The following CRTC3 variants were observed in gnomAD, a reference collection of about 807,000 sequenced individuals.
CRTC3 encodes the protein CREB-regulated transcription coactivator 3.
In CRTC3, 26 loss-of-function variants were observed where a neutral mutation model predicts 74.5. That is an observed-to-expected ratio of 0.35 (90% CI 0.26 to 0.48). The LOEUF is 0.48. Among genes scored for constraint, CRTC3 ranks in the 20% least tolerant of loss-of-function variants. The pLI, the probability that CRTC3 is intolerant of heterozygous loss-of-function variation, is 0.99. For synonymous variants in CRTC3, 377 were observed against 325.8 expected, an observed-to-expected ratio of 1.16 and a Z score of -1.69; for missense variants, 760 against 787.3, an observed-to-expected ratio of 0.97 and a Z score of 0.41.
At chr15:90,579,899 C>A (rs1023993477) in intron 2 of CRTC3, among the ~76,000 whole-genome samples, 2 of 152,106 alleles carry the variant, frequency 1.3e-5, no homozygotes, top group Non-Finnish European at 2.9e-5. Context: ...GCCTCGGCCT[C>A]CCAAAGTGCT....
chr15:90,564,991 G>A (rs1478934368), intron 2 of CRTC3, among the ~76,000 whole-genome samples: 1 of 151,674 alleles, frequency 6.6e-6, no homozygotes, highest in Non-Finnish European at 1.5e-5. Flanking sequence ...TGCCCAGGCT[G>A]GAGTGCAATG....
At position 90,546,379 on chromosome 15, in the gene CRTC3, T is replaced by C. The variant is rs534526446; in HGVS notation, c.231+6242T>C. ...ATGTGGGTCTATTTCCGGACTCTTC[T>C]GTGTCATTGGTTTCTTTGTCTATCA... On this transcript the variant is annotated intron_variant, in intron 2 of 14. Transcript: ENST00000268184. Among the ~76,000 whole-genome samples the C allele has an allele frequency of 3.3e-5, 5 of 152,312 alleles. No homozygotes were observed. The South Asian group carries it at 1.0e-3, about 32-fold the overall frequency.
chr15:90,552,746 C>G (rs1490795519), intron 2 of CRTC3, among the ~76,000 whole-genome samples: 1 of 152,114 alleles, frequency 6.6e-6, no homozygotes, highest in Non-Finnish European at 1.5e-5. Context: ...AGGCATGAGG[C>G]CTTGACCAAG....
intron 11 of CRTC3, among the ~76,000 whole-genome samples, chr15:90,636,734 G>A (rs1006478927): frequency 1.3e-5 from 2 of 152,172 alleles, no homozygotes; most frequent in Admixed American, 6.5e-5. Context: ...CCATCAAAAA[G>A]TGGGCGAAGG....
chr15:90,592,652 A>G (rs1346002331), intron 2 of CRTC3, among the ~76,000 whole-genome samples: 1 of 152,164 alleles, frequency 6.6e-6, no homozygotes, highest in Non-Finnish European at 1.5e-5. Flanking sequence ...GGGACTGATG[A>G]TTTGTATGTT....
At position 90,607,408 on chromosome 15, in the gene CRTC3, T is replaced by C; in HGVS notation, c.507T>C (p.Ser169=). The C allele has an allele frequency of 6.2e-7, 1 of 1,613,228 alleles. No homozygotes were observed. Among genetic ancestry groups the C allele is most frequent in the Non-Finnish European group, 8.5e-7 (1 of 1,179,562 alleles). The change falls in exon 6 of 15, where the codon AGT becomes AGC. Residue 169 remains serine (S), a synonymous_variant. Transcript: ENST00000268184. ...RTNSDSALHT[S]ALSTKPQDPY... ...ATTCTGATTCTGCTCTTCACACGAG[T>C]GCTCTGAGTACCAAGCCCCAGGACC...
chr15:90,549,629 C>T (rs1966850790), intron 2 of CRTC3, among the ~76,000 whole-genome samples: 1 of 151,906 alleles, frequency 6.6e-6, no homozygotes, highest in African/African-American at 2.4e-5. Context: ...CTGAGGAATG[C>T]CTTGGATCCC....
At chr15:90,552,553 C>G (rs1160401778) in intron 2 of CRTC3, among the ~76,000 whole-genome samples, 8 of 20,020 alleles carry the variant, frequency 4.0e-4, no homozygotes, top group Non-Finnish European at 2.1e-3. Context: ...TTTCGTACTC[C>G]CTAGGATGAG....
chr15:90,550,649 C>T (rs1040441459), intron 2 of CRTC3, among the ~76,000 whole-genome samples: 13 of 152,028 alleles, frequency 8.6e-5, no homozygotes, highest in African/African-American at 3.1e-4. Flanking sequence ...GCAGATAATC[C>T]AGTTCTGTGT....
At chr15:90,532,499 G>T (rs539024315) in intron 1 of CRTC3, among the ~76,000 whole-genome samples, 32 of 152,252 alleles carry the variant, frequency 2.1e-4, no homozygotes, top group Admixed American at 6.5e-4. Context: ...TGACAGACAT[G>T]CTAATCGATA....
intron 2 of CRTC3, among the ~76,000 whole-genome samples, chr15:90,572,323 T>C (rs916822670): frequency 1.3e-5 from 2 of 152,200 alleles, no homozygotes; most frequent in African/African-American, 4.8e-5. Context: ...AATTAGATTA[T>C]GTCTAGTTTT....
At chr15:90,615,328 C>G (rs767012304) in intron 7 of CRTC3, among the ~76,000 whole-genome samples, 3 of 152,102 alleles carry the variant, frequency 2.0e-5, no homozygotes, top group Non-Finnish European at 4.4e-5. Context: ...TTACTCAGTA[C>G]CAGGGACTGT....
chr15:90,585,249 A>G (rs1329396864), intron 2 of CRTC3, among the ~76,000 whole-genome samples: 1 of 152,102 alleles, frequency 6.6e-6, no homozygotes, highest in Non-Finnish European at 1.5e-5. Context: ...TGCTCAAGGG[A>G]TCTTCCCACC....
At chr15:90,580,076 T>C (rs960720683) in intron 2 of CRTC3, among the ~76,000 whole-genome samples, 1 of 152,244 alleles carries the variant, frequency 6.6e-6, no homozygotes, top group African/African-American at 2.4e-5. Flanking sequence ...CATTCACTAA[T>C]AAATATTTCT....
intron 2 of CRTC3, among the ~76,000 whole-genome samples, chr15:90,592,022 T>C (rs974394758): frequency 3.3e-5 from 5 of 152,220 alleles, no homozygotes; most frequent in African/African-American, 1.2e-4. Context: ...ATTTGGATTA[T>C]AAAAATAGAT....
intron 1 of CRTC3, among the ~76,000 whole-genome samples, chr15:90,533,972 A>T (rs948173867): frequency 6.6e-6 from 1 of 152,162 alleles, no homozygotes; most frequent in African/African-American, 2.4e-5. Context: ...AGGCATTCAT[A>T]GGGATCAGGT....
At chr15:90,575,462 A>C (rs1451283230) in intron 2 of CRTC3, among the ~76,000 whole-genome samples, 1 of 152,248 alleles carries the variant, frequency 6.6e-6, no homozygotes, top group Non-Finnish European at 1.5e-5. Context: ...TTTCAAATAT[A>C]AAATCTTTGA....
At chr15:90,545,379 C>T (rs574644249) in intron 2 of CRTC3, among the ~76,000 whole-genome samples, 1 of 150,798 alleles carries the variant, frequency 6.6e-6, no homozygotes, top group Non-Finnish European at 1.5e-5. Flanking sequence ...ATTGCTGAAT[C>T]ATATGACAAT....
At chr15:90,640,798 A>T (rs1246691182) in intron 13 of CRTC3, among the ~76,000 whole-genome samples, 2 of 151,798 alleles carry the variant, frequency 1.3e-5, no homozygotes, top group African/African-American at 4.9e-5. Context: ...GGCTGAGGAC[A>T]GATGTCTGAG....
Sources: gnomAD v4.1 joint callset for allele counts (sites outside exome capture counted in the v4.1 genomes callset) on GRCh38, gnomAD v4.1.1 for gene constraint, MANE v1.5 for transcripts, NCBI Gene and HGNC (gene_info 2026-07-23, HGNC 2026-07-21) for gene names.